Variants in NRG3 observed in about 807,000 individuals in gnomAD.
NRG3 encodes pro-neuregulin-3, membrane-bound isoform.
A neutral mutation model predicts 66.9 loss-of-function variants in NRG3; 31 were observed. The ratio of observed to expected loss-of-function variants is 0.46; its 90% CI spans 0.35 to 0.63. The LOEUF is 0.63. Among genes scored for constraint, NRG3 ranks in the 20% least tolerant of loss-of-function variants. The pLI is 0.00. For synonymous variants in NRG3, 393 were observed against 359.4 expected (o/e 1.09, Z -1.06); for missense variants, 910 against 878.9 (o/e 1.04, Z -0.45).
intron 1 of NRG3, among the ~76,000 whole-genome samples, chr10:82,300,083 A>G (rs2080306876): frequency 6.6e-6 from 1 of 152,170 alleles, no homozygotes; most frequent in South Asian, 2.1e-4. Context: ...AATGTCAACT[A>G]TATATACAAA....
chr10:82,317,818 G>A (rs1401762889), intron 1 of NRG3, among the ~76,000 whole-genome samples: 1 of 152,162 alleles, frequency 6.6e-6, no homozygotes, highest in Non-Finnish European at 1.5e-5. Flanking sequence ...CTCTGAAGAT[G>A]ATTTTGAGGG....
chr10:82,073,714 A>G (rs1255440375), intron 1 of NRG3, among the ~76,000 whole-genome samples: 1 of 152,144 alleles, frequency 6.6e-6, no homozygotes, highest in African/African-American at 2.4e-5. Context: ...CTCATTTTTT[A>G]CTATTACTTA....
At chr10:82,175,357 A>G (rs1178359817) in intron 1 of NRG3, among the ~76,000 whole-genome samples, 1 of 152,142 alleles carries the variant, frequency 6.6e-6, no homozygotes, top group Non-Finnish European at 1.5e-5. Flanking sequence ...GCCCTCAAAT[A>G]AAGTCCAACC....
intron 1 of NRG3, among the ~76,000 whole-genome samples, chr10:82,171,863 T>G (rs947012526): frequency 9.9e-5 from 15 of 152,134 alleles, no homozygotes; most frequent in Admixed American, 8.5e-4. Context: ...ATGACAACAC[T>G]GCTTCCTATA....
intron 1 of NRG3, among the ~76,000 whole-genome samples, chr10:81,888,477 T>G (rs535795116): frequency 6.6e-6 from 1 of 152,144 alleles, no homozygotes; most frequent in Non-Finnish European, 1.5e-5. Context: ...TCAGAAGATA[T>G]GCACCAAAGA....
intron 2 of NRG3, among the ~76,000 whole-genome samples, chr10:82,473,126 T>C (rs1040804193): frequency 6.6e-6 from 1 of 152,196 alleles, no homozygotes; most frequent in African/African-American, 2.4e-5. Context: ...ATCCTGTGAT[T>C]GTACAGTCAT....
At chr10:82,808,370 A>G (rs1030747366) in intron 3 of NRG3, among the ~76,000 whole-genome samples, 1 of 152,222 alleles carries the variant, frequency 6.6e-6, no homozygotes, top group Non-Finnish European at 1.5e-5. Flanking sequence ...GAAAATAAAT[A>G]TTCAAATTCA....
At chr10:82,898,777 A>G (rs1042467787) in intron 4 of NRG3, among the ~76,000 whole-genome samples, 5 of 126,004 alleles carry the variant, frequency 4.0e-5, no homozygotes, top group Non-Finnish European at 7.7e-5. Flanking sequence ...GCTGGAGTGC[A>G]GTTGTGCGAT....
intron 1 of NRG3, among the ~76,000 whole-genome samples, chr10:82,257,028 C>G (rs2077766736): frequency 6.6e-6 from 1 of 152,172 alleles, no homozygotes; most frequent in Non-Finnish European, 1.5e-5. Flanking sequence ...ACTTCTCATG[C>G]CATTTGCTCT....
intron 3 of NRG3, among the ~76,000 whole-genome samples, chr10:82,753,002 T>A (rs2058935401): frequency 6.6e-6 from 1 of 152,216 alleles, no homozygotes; most frequent in Non-Finnish European, 1.5e-5. Flanking sequence ...CTACTTTAAG[T>A]AGTATATAGA....
chr10:82,930,004 A>C (rs1321409278), intron 4 of NRG3, among the ~76,000 whole-genome samples: 2 of 152,178 alleles, frequency 1.3e-5, no homozygotes, highest in Admixed American at 6.5e-5. Flanking sequence ...GTGGCAATAG[A>C]GCATCCAGAA....
At chr10:82,318,021 C>T (rs1305982286) in intron 1 of NRG3, among the ~76,000 whole-genome samples, 2 of 151,422 alleles carry the variant, frequency 1.3e-5, no homozygotes, top group Admixed American at 1.3e-4. Flanking sequence ...CATAAGATAA[C>T]ATAGACAAAA....
chr10:82,771,609 G>A (rs2059713953), intron 3 of NRG3, among the ~76,000 whole-genome samples: 1 of 152,104 alleles, frequency 6.6e-6, no homozygotes, highest in Non-Finnish European at 1.5e-5. Context: ...TTACTGCTTA[G>A]AGGAAAATAA....
At chr10:82,206,439 G>C (rs1448853912) in intron 1 of NRG3, among the ~76,000 whole-genome samples, 4 of 152,318 alleles carry the variant, frequency 2.6e-5, no homozygotes, top group South Asian at 2.1e-4. Flanking sequence ...GGGATGGCTA[G>C]AGGTGAACAG....
chr10:82,264,421 G>A (rs933949821), intron 1 of NRG3, among the ~76,000 whole-genome samples: 3 of 145,726 alleles, frequency 2.1e-5, no homozygotes, highest in African/African-American at 4.9e-5. Flanking sequence ...CTCCCGCCCC[G>A]CCCGATTCAA....
At chr10:82,334,729 A>C (rs1051006247) in intron 1 of NRG3, among the ~76,000 whole-genome samples, 1 of 152,218 alleles carries the variant, frequency 6.6e-6, no homozygotes, top group Non-Finnish European at 1.5e-5. Context: ...TACAGAGTCC[A>C]TCTGTGTTTG....
At chr10:82,711,868 T>C (rs1335621) in intron 2 of NRG3, among the ~76,000 whole-genome samples, 77,700 of 152,046 alleles carry the variant, frequency 0.51, 21,432 homozygotes, top group East Asian at 0.67. Flanking sequence ...TACTTTTGTA[T>C]TCTAACTTGT....
chr10:82,045,495 A>T (rs1322986245), intron 1 of NRG3, among the ~76,000 whole-genome samples: 1 of 49,530 alleles, frequency 2.0e-5, no homozygotes, highest in Non-Finnish European at 5.0e-5. Context: ...AGGTTGTGAG[A>T]ATTTTCTCCC....
chr10:81,981,692 A>G (rs1435571754), intron 1 of NRG3, among the ~76,000 whole-genome samples: 2 of 152,158 alleles, frequency 1.3e-5, no homozygotes, highest in Admixed American at 1.3e-4. Context: ...CAGTCCCGCC[A>G]ATCTCTGAAT....
Sources: allele counts gnomAD v4.1 joint callset (sites outside exome capture counted in the v4.1 genomes callset), GRCh38; gene constraint gnomAD v4.1.1; transcripts MANE v1.5; gene names NCBI Gene and HGNC (gene_info 2026-07-23, HGNC 2026-07-21).